The following ZNF385D variants were observed in gnomAD, a reference collection of about 807,000 sequenced individuals.
ZNF385D encodes the protein zinc finger protein 385D.
A neutral mutation model predicts 35.8 loss-of-function variants in ZNF385D; 15 were observed. The observed-to-expected ratio is 0.42, with a 90% CI of 0.28 to 0.64. The LOEUF is 0.64. Among genes scored for constraint, ZNF385D ranks in the 30% least tolerant of loss-of-function variants. The pLI, the probability that ZNF385D is intolerant of heterozygous loss-of-function variation, is 0.23. For synonymous variants in ZNF385D, 212 were observed against 186.8 expected (o/e 1.13, Z -1.10); for missense variants, 474 against 494.6 (o/e 0.96, Z 0.39).
intron 3 of ZNF385D, among the ~76,000 whole-genome samples, chr3:21,765,238 G>A (rs2070777075): frequency 6.6e-6 from 1 of 151,790 alleles, no homozygotes; most frequent in Admixed American, 6.6e-5. Flanking sequence ...GAGAGAGAGA[G>A]CATTTGAGTG....
chr3:21,883,388 G>A (rs1196301165), intron 3 of ZNF385D, among the ~76,000 whole-genome samples: 1 of 151,816 alleles, frequency 6.6e-6, no homozygotes, highest in Non-Finnish European at 1.5e-5. Flanking sequence ...CCAGACAAAT[G>A]TCTCACCAAA....
At chr3:21,639,874 A>G (rs2065551512) in intron 2 of ZNF385D, among the ~76,000 whole-genome samples, 1 of 151,990 alleles carries the variant, frequency 6.6e-6, no homozygotes, top group South Asian at 2.1e-4. Context: ...CCTTTACCAT[A>G]CTATTGTAGT....
At chr3:21,715,865 C>A (rs1015109595) in intron 1 of ZNF385D, among the ~76,000 whole-genome samples, 3 of 152,142 alleles carry the variant, frequency 2.0e-5, no homozygotes, top group Admixed American at 1.3e-4. Context: ...TAATTGCCTA[C>A]TCAGCATTTA....
intron 3 of ZNF385D, among the ~76,000 whole-genome samples, chr3:21,902,551 G>A (rs1321109462): frequency 6.6e-6 from 1 of 152,118 alleles, no homozygotes; most frequent in Non-Finnish European, 1.5e-5. Flanking sequence ...CTTTCATTGA[G>A]ACGATAAACG....
At chr3:22,064,101 G>T (rs1262434918) in intron 3 of ZNF385D, among the ~76,000 whole-genome samples, 1 of 152,178 alleles carries the variant, frequency 6.6e-6, no homozygotes, top group Non-Finnish European at 1.5e-5. Context: ...GGGACTGCTA[G>T]GACTTCAGTC....
chr3:22,193,842 T>C (rs1251546262), intron 2 of ZNF385D, among the ~76,000 whole-genome samples: 1 of 152,042 alleles, frequency 6.6e-6, no homozygotes, highest in Non-Finnish European at 1.5e-5. Flanking sequence ...AAGTTTTTCA[T>C]CTATATTTTT....
chr3:21,762,283 C>T (rs978646968), intron 3 of ZNF385D, among the ~76,000 whole-genome samples: 17 of 152,034 alleles, frequency 1.1e-4, no homozygotes, highest in Admixed American at 1.0e-3. Flanking sequence ...TATCTCTATC[C>T]TTCTCTTTGC....
intron 2 of ZNF385D, among the ~76,000 whole-genome samples, chr3:21,569,617 G>T (rs1391806610): frequency 6.7e-6 from 1 of 149,784 alleles, no homozygotes; most frequent in African/African-American, 2.5e-5. Flanking sequence ...GATGTTAGCT[G>T]GTTATTTTGC....
At chr3:22,159,408 G>C (rs1323483220) in intron 3 of ZNF385D, among the ~76,000 whole-genome samples, 2 of 151,672 alleles carry the variant, frequency 1.3e-5, no homozygotes, top group East Asian at 3.9e-4. Context: ...CTTCATCTTG[G>C]ACAGAGTAAC....
intron 3 of ZNF385D, among the ~76,000 whole-genome samples, chr3:22,061,419 C>T (rs1699680406): frequency 6.6e-6 from 1 of 152,176 alleles, no homozygotes; most frequent in Non-Finnish European, 1.5e-5. Context: ...GTACCCACAT[C>T]CCTGCTGGAA....
At chr3:21,750,137 T>C (rs1053721814) in intron 1 of ZNF385D, among the ~76,000 whole-genome samples, 1 of 152,260 alleles carries the variant, frequency 6.6e-6, no homozygotes, top group Non-Finnish European at 1.5e-5. Flanking sequence ...TTGCCTCCTG[T>C]ACTAGCAGTA....
intron 3 of ZNF385D, among the ~76,000 whole-genome samples, chr3:21,518,527 A>G (rs896985554): frequency 6.6e-6 from 1 of 152,216 alleles, no homozygotes; most frequent in African/African-American, 2.4e-5. Flanking sequence ...AAATAATGAC[A>G]GTAATAATAA....
In ZNF385D at chr3:22,257,013, A is replaced by C. The variant is rs1313671766; in HGVS notation, c.107-87978T>G. Among the ~76,000 whole-genome samples the C allele has an allele frequency of 1.6e-4, 24 of 151,926 alleles. 1 individual carries two copies. Among genetic ancestry groups the C allele is most frequent in the Non-Finnish European group, 1.5e-5 (1 of 67,894 alleles). On this transcript the variant is annotated intron_variant, in intron 2 of 5. Transcript: ENST00000494108. Reference sequence around the variant, plus strand: ...ACCTCAGATGAATAAGGCACATGTCAGTCAGAAGAAGGAAGAATATTCCTG... The same window carrying C: ...ACCTCAGATGAATAAGGCACATGTCCGTCAGAAGAAGGAAGAATATTCCTG...
intron 3 of ZNF385D, among the ~76,000 whole-genome samples, chr3:22,087,883 G>C (rs1478825864): frequency 6.6e-6 from 1 of 152,112 alleles, no homozygotes; most frequent in Non-Finnish European, 1.5e-5. Flanking sequence ...TAATAGTTTT[G>C]AACTATATTA....
chr3:21,769,397 C>T (rs2070978081), intron 3 of ZNF385D, among the ~76,000 whole-genome samples: 2 of 117,706 alleles, frequency 1.7e-5, no homozygotes, highest in Admixed American at 9.2e-5. Flanking sequence ...TCTCAGGATA[C>T]AAAATCAGTG....
Position 21,415,510 on chromosome 3 carries a change from A to C in ZNF385D, c.*5704T>G, listed in dbSNP as rs558584058. 1 of 152,248 alleles carries C rather than the reference A, an allele frequency of 6.6e-6. No homozygotes were observed. The highest frequency in any genetic ancestry group is 1.9e-4 in the East Asian group (1 of 5,186). 9.4% of individuals were successfully genotyped at this position (152,248 alleles called of 1,614,324 possible). Reference sequence around the variant, plus strand: ...GAGTTCCTTTTGTTAAAGTAAAACCAACCTAATCATTGAAAATAAAATGAT... The same window carrying C: ...GAGTTCCTTTTGTTAAAGTAAAACCCACCTAATCATTGAAAATAAAATGAT... On this transcript the variant is annotated 3_prime_UTR_variant, in exon 8 of 8. Transcript: ENST00000281523.
chr3:21,937,596 A>G (rs1186576341), intron 3 of ZNF385D, among the ~76,000 whole-genome samples: 2 of 152,128 alleles, frequency 1.3e-5, no homozygotes, highest in African/African-American at 4.8e-5. Flanking sequence ...ATGTATTTAT[A>G]TTTATATTTA....
At chr3:22,327,762 A>ATT in intron 2 of ZNF385D, among the ~76,000 whole-genome samples, 1 of 152,270 alleles carries the variant, frequency 6.6e-6, no homozygotes, top group Middle Eastern at 3.4e-3. Context: ...AGGGAGCTAT[A>ATT]TTTCAGTGAT....
At chr3:21,709,916 T>C (rs765753657) in intron 1 of ZNF385D, among the ~76,000 whole-genome samples, 9 of 152,162 alleles carry the variant, frequency 5.9e-5, no homozygotes, top group African/African-American at 1.4e-4. Flanking sequence ...AGTGAACAGA[T>C]TGACAAGCTA....
Sources: gnomAD v4.1 joint callset for allele counts (sites outside exome capture counted in the v4.1 genomes callset) on GRCh38, gnomAD v4.1.1 for gene constraint, MANE v1.5 for transcripts, NCBI Gene and HGNC (gene_info 2026-07-23, HGNC 2026-07-21) for gene names.